Variants in NOM1 observed in about 807,000 individuals in gnomAD.
The protein encoded by NOM1 is nucleolar protein with MIF4G domain 1.
In NOM1, 58 loss-of-function variants were observed where a neutral mutation model predicts 73.3. The ratio of observed to expected loss-of-function variants is 0.79; its 90% CI spans 0.64 to 0.99. NOM1 has a LOEUF of 0.99. Among genes scored for constraint, NOM1 ranks in the 50% least tolerant of loss-of-function variants. The pLI, the probability that NOM1 is intolerant of heterozygous loss-of-function variation, is 0.00. For missense variants in NOM1, 1,226 were observed against 1,131.9 expected (o/e 1.08, Z -1.19); for synonymous variants, 487 against 446.8 (o/e 1.09, Z -1.14).
intron 9 of NOM1, among the ~76,000 whole-genome samples, chr7:156,967,461 T>C (rs1265711542): frequency 6.6e-6 from 1 of 152,124 alleles, no homozygotes; most frequent in Non-Finnish European, 1.5e-5. Flanking sequence ...ATGTAAGGTG[T>C]TTTAAAACTG....
In NOM1 at chr7:156,971,591, G is replaced by T. The variant is rs886493977; in HGVS notation, c.*1888G>T. The stretch of plus-strand genomic sequence containing the variant: ...GGCCTCAAGTGATCCTCTTACCTTG[G>T]CCTCCCAAACACCGGGATTATAGGC... On this transcript the variant is annotated 3_prime_UTR_variant, in exon 11 of 11. Transcript: ENST00000275820. 1 of 152,138 alleles carries T rather than the reference G, an allele frequency of 6.6e-6. No homozygotes were observed. The highest frequency in any genetic ancestry group is 2.4e-5 in the African/African-American group (1 of 41,418). 9.4% of individuals were successfully genotyped at this position (152,138 alleles called of 1,614,324 possible). A position where few individuals can be genotyped will look rare whatever the true frequency, so the allele number is the denominator to read the frequency against.
chr7:156,972,097 CAGA>C lies in NOM1; in HGVS notation c.*2397_*2399del, dbSNP rs1220452849. On this transcript the variant is annotated 3_prime_UTR_variant, in exon 11 of 11. Coordinates refer to ENST00000275820, the MANE Select transcript of NOM1 (RefSeq NM_138400.2). ...AAATCAACACACTGCTTCCTTCCTC[CAGA>C]AGGTCTTACTGTGAAGGAAAAAATG... 1 of 152,264 alleles carries C rather than the reference CAGA, an allele frequency of 6.6e-6. No individual in the cohort carries two copies. Among genetic ancestry groups the C allele is most frequent in the African/African-American group, 2.4e-5 (1 of 41,464 alleles). The allele number at this position is 152,264 out of a possible 1,614,324, so 9.4% of individuals were successfully genotyped here.
chr7:156,959,778 C>A, intron 3 of NOM1, 73 bp from the exon 4 acceptor site: 1 of 1,399,676 alleles, frequency 7.1e-7, no homozygotes, highest in Admixed American at 2.0e-5. Flanking sequence ...TAGAAAGTGC[C>A]AGTTCTGTGT....
Position 156,966,292 on chromosome 7 carries a change from G to A in NOM1, c.2056G>A (p.Glu686Lys), listed in dbSNP as rs1804993913. 1.9e-6 allele frequency: 3 copies of A among 1,614,056 alleles called. No individual in the cohort carries two copies. Among genetic ancestry groups the A allele is most frequent in the Non-Finnish European group, 2.5e-6 (3 of 1,180,026 alleles). ...LLKLGLKDQQEREIIHVLMDC... is the reference protein window; with the variant it reads ...LLKLGLKDQQKREIIHVLMDC... ...TAGGCTTGGACTTAAGGATCAGCAG[G>A]AGAGAGAAATCATTCACGTTCTCAT... Residue 686 changes from glutamate to lysine, a missense_variant, in exon 8 of 11, where the codon GAG becomes AAG. Glu to Lys is a moderately conservative substitution (Grantham distance 56). Coordinates refer to ENST00000275820, the MANE Select transcript of NOM1 (RefSeq NM_138400.2).
chr7:156,967,223 A>T, intron 9 of NOM1, 131 bp downstream of exon 9: 1 of 1,114,362 alleles, frequency 9.0e-7, no homozygotes. Context: ...TGCTTGCATT[A>T]TCCTAGCCAG....
At position 156,965,796 on chromosome 7, in the gene NOM1, T is replaced by C. The variant is rs542737677; in HGVS notation, c.2034-474T>C. ...CTGGGGGTGGTGGTGGCACCTGTAATCCAGCTACTCGGGAGGCTGAGGTAC... is the reference window on the plus strand; with the variant it reads ...CTGGGGGTGGTGGTGGCACCTGTAACCCAGCTACTCGGGAGGCTGAGGTAC... On this transcript the variant is annotated intron_variant, in intron 7 of 10. Transcript: ENST00000275820. Among the ~76,000 whole-genome samples the C allele has an allele frequency of 1.1e-4, 16 of 151,968 alleles. No homozygotes were observed. In the South Asian group the frequency reaches 1.7e-3, roughly 16 times the overall value.
At chr7:156,957,304 A>G (rs961961671) in intron 3 of NOM1, among the ~76,000 whole-genome samples, 4 of 152,196 alleles carry the variant, frequency 2.6e-5, no homozygotes, top group African/African-American at 9.7e-5. Flanking sequence ...AACCCAATCT[A>G]TGTAGATTCA....
chr7:156,958,311 C>G (rs777283413), intron 3 of NOM1, among the ~76,000 whole-genome samples: 2 of 152,192 alleles, frequency 1.3e-5, no homozygotes, highest in Non-Finnish European at 2.9e-5. Context: ...AGACCAGAAA[C>G]CTGGGAGTCA....
intron 3 of NOM1, among the ~76,000 whole-genome samples, chr7:156,959,124 A>G (rs922529367): frequency 6.7e-6 from 1 of 150,048 alleles, no homozygotes; most frequent in East Asian, 1.9e-4. Context: ...TTTTTTTTAC[A>G]CAGAGTCTTG....
intron 7 of NOM1, among the ~76,000 whole-genome samples, chr7:156,964,924 G>GC (rs1563685356): frequency 1.3e-5 from 2 of 152,116 alleles, no homozygotes; most frequent in African/African-American, 4.8e-5. Flanking sequence ...GAAGGACTTC[G>GC]TTTATTTTTC....
Position 156,954,116 on chromosome 7 carries a change from A to G in NOM1, c.1126A>G (p.Asn376Asp), listed in dbSNP as rs1804659864. 1.2e-6 allele frequency: 2 copies of G among 1,610,792 alleles called. No individual in the cohort carries two copies. Among genetic ancestry groups the G allele is most frequent in the Admixed American group, 1.7e-5 (1 of 59,042 alleles). Reference sequence around the variant, plus strand: ...AATTCTCTGCAGGTTGAGTGAACCCAACATGGCTTCCATCAGTGGGCAGCT... The same window carrying G: ...AATTCTCTGCAGGTTGAGTGAACCCGACATGGCTTCCATCAGTGGGCAGCT... Reference protein sequence around the residue: ...KGLLNRLSEPNMASISGQLEE... With the variant: ...KGLLNRLSEPDMASISGQLEE... The change falls in exon 3 of 11, where the codon AAC becomes GAC. Residue 376 changes from asparagine (N) to aspartate (D), a missense_variant. Asn to Asp is a conservative substitution (Grantham distance 23, BLOSUM62 1). Coordinates refer to ENST00000275820, the MANE Select transcript of NOM1 (RefSeq NM_138400.2).
At position 156,969,613 on chromosome 7, in the gene NOM1, C is replaced by G; in HGVS notation, c.2493C>G (p.Ala831=). ...ISHFLLKNAQ[A]HRSADEANVL... ...ACTTCTTGCTAAAGAACGCACAGGC[C>G]CACAGAAGCGCCGACGAAGCCAACG... The change falls in exon 11 of 11, where the codon GCC becomes GCG. Residue 831 remains alanine, a synonymous_variant. Transcript: ENST00000275820. 2.5e-6 allele frequency: 4 copies of G among 1,614,000 alleles called. No individual in the cohort carries two copies. Among genetic ancestry groups the G allele is most frequent in the African/African-American group, 1.3e-5 (1 of 74,998 alleles).
intron 10 of NOM1, 116 bp downstream of exon 10, chr7:156,969,312 T>C: frequency 1.3e-6 from 1 of 768,584 alleles, no homozygotes; most frequent in Non-Finnish European, 2.1e-6. Flanking sequence ...CTTTTCGGTT[T>C]TATTTTTAAG....
chr7:156,960,111 A>G lies in NOM1; in HGVS notation c.1569A>G (p.Glu523=). Residue 523 remains glutamate, a synonymous_variant, in exon 4 of 11, where the codon GAA becomes GAG. Transcript: ENST00000275820. ...AAGATGATGCTTTATCACTTAAGGA[A>G]TTGATCACTGAAGCCCAGACCAAAG... is the stretch of plus-strand genomic sequence containing the variant. The part of the protein sequence containing the change: ...LRKDDALSLK[E]LITEAQTKAS... 1 of 1,614,164 alleles carries G rather than the reference A, an allele frequency of 6.2e-7. No individual in the cohort carries two copies. The highest frequency in any genetic ancestry group is 1.1e-5 in the South Asian group (1 of 91,076).
chr7:156,963,293 G>C, intron 6 of NOM1, 118 bp downstream of exon 6: 1 of 1,020,686 alleles, frequency 9.8e-7, no homozygotes, highest in Non-Finnish European at 1.5e-6. Context: ...AAATGTACAA[G>C]GTTTATCTGG....
intron 10 of NOM1, 91 bp from the exon 11 acceptor site, chr7:156,969,438 C>G (rs1179648790): frequency 2.8e-6 from 3 of 1,079,080 alleles, no homozygotes; most frequent in Non-Finnish European, 4.0e-6. Context: ...TTAAAAGAAA[C>G]TGGTTATGTC....
chr7:156,950,274 C>T lies in NOM1; in HGVS notation c.537C>T (p.Asn179=). ...AARKRALLAA[N]EEEDREIRKL... is the part of the protein sequence containing the mutation. ...GGAAACGGGCGCTTTTAGCGGCGAACGAGGAGGAGGACCGAGAGATCCGAA... is the reference window on the plus strand; with the variant it reads ...GGAAACGGGCGCTTTTAGCGGCGAATGAGGAGGAGGACCGAGAGATCCGAA... Residue 179 remains asparagine (N), a synonymous_variant, in exon 1 of 11, where the codon AAC becomes AAT. Coordinates refer to ENST00000275820, the MANE Select transcript of NOM1 (RefSeq NM_138400.2). 3 of 1,613,970 alleles carry T rather than the reference C, an allele frequency of 1.9e-6. No individual in the cohort carries two copies. Among genetic ancestry groups the T allele is most frequent in the South Asian group, 1.1e-5 (1 of 91,086 alleles).
Position 156,969,797 on chromosome 7 carries a change from T to C in NOM1, c.*94T>C. The C allele has an allele frequency of 8.4e-7, 1 of 1,195,466 alleles. No homozygotes were observed. The highest frequency in any genetic ancestry group is 2.5e-5 in the East Asian group (1 of 40,130). The allele number at this position is 1,195,466 out of a possible 1,614,324, so 74.1% of individuals were successfully genotyped here. ...CTGTTGCCTGCGTGTGAATGTTTGG[T>C]AGAGCTATATCATTGTCTGTTAATG... On this transcript the variant is annotated 3_prime_UTR_variant, in exon 11 of 11. Transcript: ENST00000275820.
At chr7:156,953,115 TTTTTGTTTTG>T (rs55948664) in intron 2 of NOM1, among the ~76,000 whole-genome samples, 8 of 151,806 alleles carry the variant, frequency 5.3e-5, no homozygotes, top group East Asian at 3.9e-4. Flanking sequence ...TGTGTAGGTT[TTTTTGTTTTG>T]TTTTGTTTTG....
Sources: allele counts gnomAD v4.1 joint callset (sites outside exome capture counted in the v4.1 genomes callset), GRCh38; gene constraint gnomAD v4.1.1; transcripts MANE v1.5; gene names NCBI Gene and HGNC (gene_info 2026-07-23, HGNC 2026-07-21).